STXBP3: variants seen among roughly 807,000 people sequenced by gnomAD.
STXBP3 encodes syntaxin-binding protein 3.
In STXBP3, 41 loss-of-function variants were observed where a neutral mutation model predicts 85.7. The observed-to-expected ratio is 0.48, with a 90% CI of 0.37 to 0.62. The LOEUF (loss-of-function observed/expected upper bound fraction) is 0.62. Among genes scored for constraint, STXBP3 ranks in the 20% least tolerant of loss-of-function variants. STXBP3 has a pLI of 0.00. For synonymous variants in STXBP3, 229 were observed against 231.7 expected, an observed-to-expected ratio of 0.99 and a Z score of 0.10; for missense variants, 563 against 703.1, an observed-to-expected ratio of 0.80 and a Z score of 2.25.
At chr1:108,796,023 G>A (rs1045625506) in intron 13 of STXBP3, among the ~76,000 whole-genome samples, 2 of 151,978 alleles carry the variant, frequency 1.3e-5, no homozygotes, top group Admixed American at 6.6e-5. Context: ...CTGCCACCAC[G>A]CCCGGCTAAT....
chr1:108,801,707 C>T (rs1189717298), intron 17 of STXBP3, among the ~76,000 whole-genome samples: 1 of 151,152 alleles, frequency 6.6e-6, no homozygotes, highest in Non-Finnish European at 1.5e-5. Context: ...GTTGCCCACA[C>T]TGGAGTGCAG....
chr1:108,755,343 G>A (rs1028789923), intron 3 of STXBP3, among the ~76,000 whole-genome samples: 16 of 152,028 alleles, frequency 1.1e-4, no homozygotes, highest in African/African-American at 2.9e-4. Flanking sequence ...GCTACTTGGA[G>A]AACTGAGGCA....
intron 17 of STXBP3, among the ~76,000 whole-genome samples, chr1:108,800,888 T>A (rs1359136100): frequency 6.6e-6 from 1 of 152,262 alleles, no homozygotes; most frequent in Non-Finnish European, 1.5e-5. Flanking sequence ...GTGTTTATTC[T>A]ACCTGAGGAT....
Position 108,779,336 on chromosome 1 carries a change from G to A in STXBP3, c.735G>A (p.Val245=). Residue 245 remains valine, a synonymous_variant, in exon 9 of 19, where the codon GTG becomes GTA. Transcript: ENST00000370008. ...LLIIDRGFDP[V]STVLHELTFQ... is the part of the protein sequence containing the mutation. The stretch of plus-strand genomic sequence containing the variant: ...TAATTGATCGTGGCTTTGATCCTGT[G>A]TCCACTGTCCTGCATGAACTGACCT... The A allele has an allele frequency of 6.2e-7, 1 of 1,613,122 alleles. No homozygotes were observed. The highest frequency in any genetic ancestry group is 8.5e-7 in the Non-Finnish European group (1 of 1,179,416).
intron 6 of STXBP3, among the ~76,000 whole-genome samples, 162 bp from the exon 7 acceptor site, chr1:108,772,503 A>G (rs951869686): frequency 2.1e-5 from 3 of 145,706 alleles, no homozygotes; most frequent in South Asian, 2.1e-4. Flanking sequence ...ATATCTATCT[A>G]TATATAATAT....
At chr1:108,766,416 A>G (rs368216743) in intron 6 of STXBP3, among the ~76,000 whole-genome samples, 77 of 152,296 alleles carry the variant, frequency 5.1e-4, no homozygotes, top group Middle Eastern at 6.8e-3. Context: ...ATAAGTCTCT[A>G]TGTTTTAGAA....
At chr1:108,808,622 T>C (rs1663390921) in intron 18 of STXBP3, among the ~76,000 whole-genome samples, 161 bp from the exon 19 acceptor site, 1 of 152,234 alleles carries the variant, frequency 6.6e-6, no homozygotes, top group South Asian at 2.1e-4. Context: ...AGGATTGAAA[T>C]ATTGCAGCAT....
At chr1:108,805,676 G>A (rs1663315361) in intron 17 of STXBP3, among the ~76,000 whole-genome samples, 1 of 152,198 alleles carries the variant, frequency 6.6e-6, no homozygotes, top group African/African-American at 2.4e-5. Context: ...GCCCACCTCG[G>A]CCTCCCGAAG....
rs202220417 is a variant in STXBP3, at chr1:108,760,449, TTA to T, written c.438+369_438+370del. ...AAACAAATGCTCTTTAATAAACTTT[TTA>T]TATAATATTATGTAAATTATTTTAA... On this transcript the variant is annotated intron_variant, in intron 6 of 18. Coordinates refer to ENST00000370008, the MANE Select transcript of STXBP3 (RefSeq NM_007269.4). Among the ~76,000 whole-genome samples, 1,026 of 152,168 alleles carry T rather than the reference TTA, an allele frequency of 6.7e-3. 12 individuals carry two copies. Among genetic ancestry groups the T allele is most frequent in the African/African-American group, 0.022 (901 of 41,560 alleles).
intron 7 of STXBP3, among the ~76,000 whole-genome samples, chr1:108,775,105 A>G (rs545580862): frequency 1.3e-5 from 2 of 152,234 alleles, no homozygotes; most frequent in Admixed American, 6.5e-5. Context: ...AATTTATTGT[A>G]CAGAGTTTAA....
intron 6 of STXBP3, among the ~76,000 whole-genome samples, chr1:108,761,231 A>G (rs12066018): frequency 0.79 from 120,884 of 152,170 alleles, 49,350 homozygotes; most frequent in African/African-American, 0.94. Flanking sequence ...GACAAAGAAA[A>G]ATAATAATCC....
intron 11 of STXBP3, among the ~76,000 whole-genome samples, chr1:108,783,012 T>C (rs1050887081): frequency 1.3e-5 from 2 of 152,164 alleles, no homozygotes; most frequent in Non-Finnish European, 2.9e-5. Context: ...AAGTGATTGT[T>C]TTGCCTCAGC....
intron 17 of STXBP3, among the ~76,000 whole-genome samples, chr1:108,806,973 G>T (rs954500917): frequency 2.6e-5 from 4 of 152,168 alleles, no homozygotes; most frequent in African/African-American, 9.7e-5. Flanking sequence ...ATGTAATTGG[G>T]CCGGGCGCGG....
At position 108,746,697 on chromosome 1, in the gene STXBP3, GGA is replaced by G; in HGVS notation, c.-39_-38del. 1.3e-6 allele frequency: 2 copies of G among 1,547,900 alleles called. No individual in the cohort carries two copies. Among genetic ancestry groups the G allele is most frequent in the Non-Finnish European group, 1.7e-6 (2 of 1,145,308 alleles). On this transcript the variant is annotated 5_prime_UTR_variant, in exon 1 of 19. Coordinates refer to ENST00000370008, the MANE Select transcript of STXBP3 (RefSeq NM_007269.4). ...CCGCTTCTGCGGCCAAAGTAGGTTG[GGA>G]GTGGAAGGTGGTGGCTGCTGCTCCG...
At chr1:108,778,813 G>A (rs1557809036) in intron 8 of STXBP3, among the ~76,000 whole-genome samples, 2 of 152,114 alleles carry the variant, frequency 1.3e-5, no homozygotes, top group East Asian at 3.8e-4. Flanking sequence ...CACAGAGGAG[G>A]GTTGGTTCCA....
chr1:108,772,894 C>T, intron 7 of STXBP3, 75 bp downstream of exon 7: 3 of 1,319,276 alleles, frequency 2.3e-6, no homozygotes, highest in Non-Finnish European at 3.0e-6. Context: ...TGTGTCTGTA[C>T]CTTGGCATGT....
intron 11 of STXBP3, among the ~76,000 whole-genome samples, chr1:108,791,575 A>G (rs1469099464): frequency 6.6e-6 from 1 of 150,440 alleles, no homozygotes; most frequent in Non-Finnish European, 1.5e-5. Flanking sequence ...AATGTTCTCT[A>G]TTAACCTGAC....
chr1:108,748,851 A>G (rs1661848858), intron 1 of STXBP3, among the ~76,000 whole-genome samples: 2 of 152,164 alleles, frequency 1.3e-5, no homozygotes, highest in African/African-American at 4.8e-5. Context: ...AACAAAAATT[A>G]TTTGGGTAAC....
chr1:108,750,531 TAAC>T (rs1661878145), intron 1 of STXBP3, among the ~76,000 whole-genome samples: 1 of 152,206 alleles, frequency 6.6e-6, no homozygotes, highest in African/African-American at 2.4e-5. Flanking sequence ...TTGCTTTTAC[TAAC>T]AACATTTCTG....
Sources: gnomAD v4.1 joint callset for allele counts (sites outside exome capture counted in the v4.1 genomes callset) on GRCh38, gnomAD v4.1.1 for gene constraint, MANE v1.5 for transcripts, NCBI Gene and HGNC (gene_info 2026-07-23, HGNC 2026-07-21) for gene names.